The following TCF7L1 variants were observed in gnomAD, a reference collection of about 807,000 sequenced individuals.
TCF7L1 encodes the protein transcription factor 7-like 1.
Under a neutral mutation model 63.7 loss-of-function variants are expected in TCF7L1, and 18 were observed. The ratio of observed to expected loss-of-function variants is 0.28; its 90% CI spans 0.20 to 0.42. The LOEUF (loss-of-function observed/expected upper bound fraction) is 0.42, where lower values mean the gene tolerates loss of function less well. TCF7L1 is among the 10% of genes least tolerant of loss of function. The pLI, the probability that TCF7L1 is intolerant of heterozygous loss-of-function variation, is 1.00. For missense variants in TCF7L1, 654 were observed against 779.3 expected, an observed-to-expected ratio of 0.84 and a Z score of 1.91; for synonymous variants, 355 against 340.9, an observed-to-expected ratio of 1.04 and a Z score of -0.46.
intron 3 of TCF7L1, among the ~76,000 whole-genome samples, chr2:85,257,682 C>T (rs926385529): frequency 6.6e-6 from 1 of 152,210 alleles, no homozygotes; most frequent in Non-Finnish European, 1.5e-5. Flanking sequence ...CTGGCTTCCC[C>T]TTGCATCCCC....
intron 3 of TCF7L1, among the ~76,000 whole-genome samples, chr2:85,184,507 A>G (rs904442177): frequency 6.6e-6 from 1 of 152,206 alleles, no homozygotes; most frequent in Non-Finnish European, 1.5e-5. Context: ...ATAGGTCTAT[A>G]GTCCTTGGTG....
intron 3 of TCF7L1, among the ~76,000 whole-genome samples, chr2:85,282,678 A>C (rs1291893470): frequency 2.6e-5 from 4 of 152,096 alleles, no homozygotes; most frequent in Non-Finnish European, 5.9e-5. Flanking sequence ...GAACCCATGA[A>C]TGCAGGGCTC....
At chr2:85,268,895 G>A (rs765164282) in intron 3 of TCF7L1, among the ~76,000 whole-genome samples, 20 of 152,296 alleles carry the variant, frequency 1.3e-4, no homozygotes, top group African/African-American at 4.6e-4. Flanking sequence ...CTGGAGGAAC[G>A]AGTGTGGGGC....
intron 3 of TCF7L1, among the ~76,000 whole-genome samples, chr2:85,136,126 C>A (rs1677589288): frequency 1.3e-5 from 2 of 152,090 alleles, no homozygotes; most frequent in Admixed American, 1.3e-4. Flanking sequence ...GTCTGGGAGG[C>A]ACTAGCATCT....
intron 3 of TCF7L1, among the ~76,000 whole-genome samples, chr2:85,248,959 T>G (rs559934891): frequency 1.3e-4 from 19 of 151,104 alleles, no homozygotes; most frequent in African/African-American, 4.6e-4. Flanking sequence ...GGGTGCTCCA[T>G]AAATACTTGT....
chr2:85,264,122 T>A (rs898730801), intron 3 of TCF7L1, among the ~76,000 whole-genome samples: 3 of 152,088 alleles, frequency 2.0e-5, no homozygotes, highest in Non-Finnish European at 4.4e-5. Context: ...CAACTGTGGG[T>A]CTCCAGCCAA....
At chr2:85,141,212 G>T (rs1051338816) in intron 3 of TCF7L1, among the ~76,000 whole-genome samples, 1 of 71,528 alleles carries the variant, frequency 1.4e-5, no homozygotes. Context: ...CCCAGCTTGG[G>T]TGACAGACAG....
chr2:85,222,669 C>CAAAAAAAAAA (rs60020804), intron 3 of TCF7L1, among the ~76,000 whole-genome samples: 4 of 58,212 alleles, frequency 6.9e-5, no homozygotes, highest in African/African-American at 2.2e-4. Context: ...GACCCCATCT[C>CAAAAAAAAAA]AAAAAAAAAA....
chr2:85,292,759 A>G (rs1681755328), intron 4 of TCF7L1, among the ~76,000 whole-genome samples: 1 of 152,002 alleles, frequency 6.6e-6, no homozygotes, highest in Admixed American at 6.6e-5. Flanking sequence ...TGTATTTCTT[A>G]TAGAGACGGG....
intron 4 of TCF7L1, among the ~76,000 whole-genome samples, chr2:85,289,509 G>A (rs1681638230): frequency 6.6e-6 from 1 of 152,166 alleles, no homozygotes; most frequent in African/African-American, 2.4e-5. Flanking sequence ...ATCAGAAAAG[G>A]GACCTAGAGA....
chr2:85,248,000 G>C (rs924510765), intron 3 of TCF7L1, among the ~76,000 whole-genome samples: 1 of 152,124 alleles, frequency 6.6e-6, no homozygotes, highest in African/African-American at 2.4e-5. Context: ...CCTTGTGGCC[G>C]GTAGTGTTCG....
chr2:85,141,841 G>T (rs1223981918), intron 3 of TCF7L1, among the ~76,000 whole-genome samples: 2 of 152,152 alleles, frequency 1.3e-5, no homozygotes, highest in Non-Finnish European at 2.9e-5. Flanking sequence ...GAGGTGAGTT[G>T]GCAGAAATGG....
chr2:85,266,952 C>T lies in TCF7L1; in HGVS notation c.442-16543C>T, dbSNP rs144590368. Among the ~76,000 whole-genome samples, 87 of 152,344 alleles carry T rather than the reference C, an allele frequency of 5.7e-4. 1 individual carries two copies. In the East Asian group the frequency reaches 0.015, roughly 27 times the overall value. On this transcript the variant is annotated intron_variant, in intron 3 of 11. Coordinates refer to ENST00000282111, the MANE Select transcript of TCF7L1 (RefSeq NM_031283.3). ...GTGACCTTGGTGGGACAGCTCACCC[C>T]ATGGGCCTGACTGCCCTTATCTGAG... is the stretch of plus-strand genomic sequence containing the variant.
chr2:85,246,398 A>G (rs944764150), intron 3 of TCF7L1, among the ~76,000 whole-genome samples: 1 of 152,278 alleles, frequency 6.6e-6, no homozygotes, highest in Non-Finnish European at 1.5e-5. Flanking sequence ...ATGACAGAGC[A>G]GAAGGGAGCT....
chr2:85,214,222 G>A (rs1282352646), intron 3 of TCF7L1, among the ~76,000 whole-genome samples: 6 of 152,214 alleles, frequency 3.9e-5, no homozygotes, highest in South Asian at 2.1e-4. Context: ...CAAGGATGAC[G>A]GGTGGCAAGA....
intron 3 of TCF7L1, among the ~76,000 whole-genome samples, chr2:85,273,219 C>T (rs183712334): frequency 1.3e-5 from 2 of 152,340 alleles, no homozygotes; most frequent in East Asian, 3.9e-4. Flanking sequence ...GCCTCTTCCA[C>T]CTGAGTGAAG....
intron 3 of TCF7L1, among the ~76,000 whole-genome samples, chr2:85,147,912 A>G (rs530631119): frequency 6.4e-4 from 97 of 152,178 alleles, no homozygotes; most frequent in African/African-American, 2.3e-3. Context: ...AAAAATATTA[A>G]GTTGGACCAT....
At chr2:85,307,846 C>CG in intron 11 of TCF7L1, 129 bp downstream of exon 11, 1 of 782,000 alleles carries the variant, frequency 1.3e-6, no homozygotes, top group Non-Finnish European at 2.1e-6. Flanking sequence ...TATTATTACC[C>CG]CTTTCTCGAG....
intron 4 of TCF7L1, among the ~76,000 whole-genome samples, chr2:85,285,049 C>T (rs945507098): frequency 8.6e-5 from 13 of 152,036 alleles, no homozygotes; most frequent in Non-Finnish European, 1.5e-4. Context: ...CTGGCTAACA[C>T]GGTGAAACAC....
Sources: allele counts gnomAD v4.1 joint callset (sites outside exome capture counted in the v4.1 genomes callset), GRCh38; gene constraint gnomAD v4.1.1; transcripts MANE v1.5; gene names NCBI Gene and HGNC (gene_info 2026-07-23, HGNC 2026-07-21).